The following ZNF138 variants were observed in gnomAD, a reference collection of about 807,000 sequenced individuals.
The protein encoded by ZNF138 is zinc finger protein 138, also known as zinc finger protein 138 (clone pHZ-32).
Under a neutral mutation model 33.0 loss-of-function variants are expected in ZNF138, and 33 were observed. That is an observed-to-expected ratio of 1.00 (90% confidence interval 0.76 to 1.34). The LOEUF (loss-of-function observed/expected upper bound fraction) is 1.34, where lower values mean the gene tolerates loss of function less well. Ranked by LOEUF, ZNF138 falls within the 40% of genes most tolerant of loss-of-function variation. The pLI is 0.00. For synonymous variants in ZNF138, 139 were observed against 120.4 expected, an observed-to-expected ratio of 1.15 and a Z score of -1.01; for missense variants, 360 against 370.8, an observed-to-expected ratio of 0.97 and a Z score of 0.24.
downstream of ZNF138, among the ~76,000 whole-genome samples, chr7:64,838,086 G>T (rs1280590631): frequency 6.6e-6 from 1 of 152,132 alleles, no homozygotes; most frequent in African/African-American, 2.4e-5. Context: ...TAGTAAAAAG[G>T]AAATGGACTT....
chr7:64,830,916 C>G, intron 3 of ZNF138: 4 of 1,545,922 alleles, frequency 2.6e-6, no homozygotes, highest in Non-Finnish European at 3.5e-6. Context: ...TCACTTGCTA[C>G]AACTGTTCCC....
intron 3 of ZNF138, among the ~76,000 whole-genome samples, chr7:64,816,654 A>G (rs974022533): frequency 5.3e-5 from 8 of 152,142 alleles, no homozygotes; most frequent in African/African-American, 1.7e-4. Flanking sequence ...CTTGTCTTCA[A>G]TGGCATTTTT....
chr7:64,826,405 A>C (rs6460192), intron 3 of ZNF138, among the ~76,000 whole-genome samples: 149,959 of 152,170 alleles, frequency 0.99, 73,928 homozygotes, highest in East Asian at 1. Context: ...TTGGCCTCCC[A>C]AGTAGCTGGG....
Position 64,831,604 on chromosome 7 carries a change from AAGG to A in ZNF138, c.366_368del (p.Gly123del), listed in dbSNP as rs753534016. ...AGTGTGGATGAGTGTAAGGGACACC[AAGG>A]AGGTTTTAATGGACTTAACCAATGT... On this transcript the variant is annotated inframe_deletion, in exon 4 of 4. Coordinates refer to ENST00000307355, the MANE Select transcript of ZNF138 (RefSeq NM_001271639.2). 2.1e-4 allele frequency: 345 copies of A among 1,612,484 alleles called. 1 individual carries two copies. The highest frequency in any genetic ancestry group is 2.9e-4 in the Non-Finnish European group (339 of 1,179,536).
Position 64,831,440 on chromosome 7 carries a change from GTTTC to G in ZNF138, c.209-6_209-3del, listed in dbSNP as rs769208300. 9 of 1,520,848 alleles carry G rather than the reference GTTTC, an allele frequency of 5.9e-6. No homozygotes were observed. The highest frequency in any genetic ancestry group is 7.9e-6 in the Non-Finnish European group (9 of 1,139,350). 94.2% of individuals were successfully genotyped at this position (1,520,848 alleles called of 1,614,324 possible). ...CAGGTGGAGTAATTTGTTATTTTTT[GTTTC>G]TTTCAGCTCTGTGTTCTCGTTTTGC... On this transcript the variant is annotated splice_polypyrimidine_tract_variant and splice_region_variant and intron_variant, in intron 3 of 3. Transcript: ENST00000307355.
chr7:64,804,229 T>C (rs1405435808), intron 1 of ZNF138, among the ~76,000 whole-genome samples: 2 of 152,142 alleles, frequency 1.3e-5, no homozygotes, highest in African/African-American at 4.8e-5. Context: ...CTGACCTAAT[T>C]GGCTATGTTA....
chr7:64,822,946 T>C (rs974201202), intron 3 of ZNF138, among the ~76,000 whole-genome samples: 86 of 152,242 alleles, frequency 5.6e-4, no homozygotes, highest in African/African-American at 2.0e-3. Flanking sequence ...AATGGCACGA[T>C]CTTGGCCCAC....
intron 1 of ZNF138, among the ~76,000 whole-genome samples, chr7:64,803,569 AGTT>A (rs1787334404): frequency 6.6e-6 from 1 of 152,200 alleles, no homozygotes; most frequent in African/African-American, 2.4e-5. Flanking sequence ...CAATTAGCAT[AGTT>A]ATGTGTAGTG....
chr7:64,798,308 T>G (rs1246975608), intron 1 of ZNF138, among the ~76,000 whole-genome samples: 1 of 152,200 alleles, frequency 6.6e-6, no homozygotes, highest in African/African-American at 2.4e-5. Context: ...AAACATAAAA[T>G]GGGGTTGTAT....
At chr7:64,813,965 CCAT>C in intron 1 of ZNF138, 1 of 1,017,696 alleles carries the variant, frequency 9.8e-7, no homozygotes, top group Non-Finnish European at 1.2e-6. Flanking sequence ...TGTGGATAAA[CCAT>C]CACATTTAAT....
intron 3 of ZNF138, among the ~76,000 whole-genome samples, chr7:64,819,898 C>T (rs1016529021): frequency 2.0e-5 from 3 of 150,198 alleles, no homozygotes; most frequent in Admixed American, 6.6e-5. Context: ...CATGGAGATT[C>T]AACTACAAAT....
At chr7:64,819,907 A>AT (rs201250689) in intron 3 of ZNF138, among the ~76,000 whole-genome samples, 6,646 of 143,308 alleles carry the variant, frequency 0.046, 217 homozygotes, top group East Asian at 0.14. Flanking sequence ...TCAACTACAA[A>AT]TTTTTTTTTT....
the ZNF138 span, among the ~76,000 whole-genome samples, chr7:64,860,195 A>G: frequency 6.6e-6 from 1 of 152,202 alleles, no homozygotes; most frequent in Non-Finnish European, 1.5e-5. Context: ...GTACACTGTC[A>G]TATTTTTATG....
chr7:64,822,452 T>A (rs930855213), intron 3 of ZNF138, among the ~76,000 whole-genome samples: 27 of 151,566 alleles, frequency 1.8e-4, no homozygotes, highest in Non-Finnish European at 3.5e-4. Context: ...AACATTTTTT[T>A]TAAAAAAATA....
chr7:64,809,642 A>T (rs1787959709), intron 1 of ZNF138, among the ~76,000 whole-genome samples: 1 of 144,626 alleles, frequency 6.9e-6, no homozygotes, highest in Non-Finnish European at 1.5e-5. Flanking sequence ...CCGGGCGGAG[A>T]CGCTCCTCAC....
At chr7:64,810,928 A>T (rs1170784158) in intron 1 of ZNF138, among the ~76,000 whole-genome samples, 2 of 152,192 alleles carry the variant, frequency 1.3e-5, no homozygotes, top group African/African-American at 4.8e-5. Context: ...TTAGGGTCTT[A>T]ATTTTTAGTT....
At chr7:64,849,599 T>C in the ZNF138 span, among the ~76,000 whole-genome samples, 1 of 151,940 alleles carries the variant, frequency 6.6e-6, no homozygotes, top group African/African-American at 2.4e-5. Context: ...TAGCCTCTGC[T>C]TGGGCGGGGT....
intron 3 of ZNF138, among the ~76,000 whole-genome samples, chr7:64,826,342 C>T (rs1367354036): frequency 6.6e-6 from 1 of 151,472 alleles, no homozygotes; most frequent in Non-Finnish European, 1.5e-5. Context: ...TGCAATGGCA[C>T]GATGTTGTCT....
At chr7:64,797,555 G>A (rs543502632) in intron 1 of ZNF138, among the ~76,000 whole-genome samples, 2 of 151,926 alleles carry the variant, frequency 1.3e-5, no homozygotes, top group Admixed American at 6.5e-5. Flanking sequence ...TTTCTAGGAA[G>A]CCTCCCCTGC....
Sources: allele counts gnomAD v4.1 joint callset (sites outside exome capture counted in the v4.1 genomes callset), GRCh38; gene constraint gnomAD v4.1.1; transcripts MANE v1.5; gene names NCBI Gene and HGNC (gene_info 2026-07-23, HGNC 2026-07-21).